Variants in EBF1 observed in about 807,000 individuals in gnomAD.
The protein encoded by EBF1 is EBF transcription factor 1.
A neutral mutation model predicts 68.4 loss-of-function variants in EBF1; 10 were observed. The observed-to-expected ratio is 0.15, with a 90% CI of 0.09 to 0.25. The LOEUF (loss-of-function observed/expected upper bound fraction) is 0.25, where lower values mean the gene tolerates loss of function less well. Among genes scored for constraint, EBF1 ranks in the 10% least tolerant of loss-of-function variants. The pLI is 1.00. For synonymous variants in EBF1, 298 were observed against 299.8 expected (o/e 0.99, Z 0.06); for missense variants, 509 against 794.4 (o/e 0.64, Z 4.32).
intron 6 of EBF1, among the ~76,000 whole-genome samples, chr5:158,907,385 AAAGAT>A (rs1381514223): frequency 6.6e-6 from 1 of 152,222 alleles, no homozygotes; most frequent in African/African-American, 2.4e-5. Context: ...GAGGTGGAAA[AAAGAT>A]AAGGCCAAAA....
chr5:158,870,890 G>T (rs1188975724), intron 6 of EBF1, among the ~76,000 whole-genome samples: 1 of 152,202 alleles, frequency 6.6e-6, no homozygotes, highest in Non-Finnish European at 1.5e-5. Flanking sequence ...CTGATAGAGA[G>T]AAGTCTTGAT....
At chr5:158,991,045 G>A (rs545595694) in intron 6 of EBF1, among the ~76,000 whole-genome samples, 56 of 152,314 alleles carry the variant, frequency 3.7e-4, no homozygotes, top group Non-Finnish European at 6.2e-4. Context: ...AACAGACATC[G>A]TAGGGAAGGG....
intron 4 of EBF1, among the ~76,000 whole-genome samples, chr5:159,087,479 C>T (rs1238030241): frequency 6.6e-6 from 1 of 150,512 alleles, no homozygotes; most frequent in Non-Finnish European, 1.5e-5. Context: ...TACACACACA[C>T]ATATATATAG....
chr5:158,937,328 A>G (rs1007607960), intron 6 of EBF1, among the ~76,000 whole-genome samples: 2 of 152,178 alleles, frequency 1.3e-5, no homozygotes, highest in Admixed American at 6.5e-5. Context: ...CCTCGGATTC[A>G]TTCTGGGCCC....
chr5:158,811,876 G>C (rs957119264), intron 8 of EBF1, among the ~76,000 whole-genome samples: 1 of 152,016 alleles, frequency 6.6e-6, no homozygotes, highest in Non-Finnish European at 1.5e-5. Context: ...TTATCCCCAC[G>C]TGGAATTTTG....
chr5:158,853,913 G>A (rs1162835213), intron 6 of EBF1, among the ~76,000 whole-genome samples: 1 of 152,158 alleles, frequency 6.6e-6, no homozygotes, highest in Non-Finnish European at 1.5e-5. Flanking sequence ...GAGTGAACTA[G>A]GCTGCATGTA....
intron 10 of EBF1, among the ~76,000 whole-genome samples, chr5:158,751,861 G>A (rs1250430358): frequency 6.6e-6 from 1 of 152,090 alleles, no homozygotes; most frequent in African/African-American, 2.4e-5. Context: ...TTGAGCATTT[G>A]TAAGTTGCTG....
chr5:159,079,658 C>A (rs1262697082), intron 5 of EBF1, among the ~76,000 whole-genome samples: 2 of 141,914 alleles, frequency 1.4e-5, no homozygotes, highest in African/African-American at 5.4e-5. Flanking sequence ...GTCACCCAGG[C>A]TGGAGTGCAG....
At chr5:159,087,658 T>C (rs1780957593) in intron 4 of EBF1, among the ~76,000 whole-genome samples, 1 of 152,048 alleles carries the variant, frequency 6.6e-6, no homozygotes, top group Non-Finnish European at 1.5e-5. Flanking sequence ...ACAAATACAT[T>C]CATGGTTTTC....
intron 6 of EBF1, among the ~76,000 whole-genome samples, chr5:159,016,935 C>T (rs1765720008): frequency 6.6e-6 from 1 of 152,186 alleles, no homozygotes; most frequent in South Asian, 2.1e-4. Context: ...AAACCCAGCT[C>T]AAATTCTCTA....
chr5:158,818,243 A>T (rs1784145249), intron 8 of EBF1, among the ~76,000 whole-genome samples: 1 of 152,192 alleles, frequency 6.6e-6, no homozygotes, highest in Admixed American at 6.5e-5. Context: ...TAGTCTCTCC[A>T]AGCTCAAACC....
intron 6 of EBF1, among the ~76,000 whole-genome samples, chr5:158,858,827 G>T (rs958229179): frequency 1.3e-5 from 2 of 152,138 alleles, no homozygotes; most frequent in Non-Finnish European, 2.9e-5. Context: ...CAGATCTTTT[G>T]GTGTGGAAGT....
intron 11 of EBF1, among the ~76,000 whole-genome samples, chr5:158,724,277 A>G (rs1263311453): frequency 6.6e-6 from 1 of 152,190 alleles, no homozygotes; most frequent in Non-Finnish European, 1.5e-5. Flanking sequence ...ATTTCAGGAT[A>G]TAATGTTAAT....
chr5:159,076,340 T>C (rs1778774422), intron 5 of EBF1, among the ~76,000 whole-genome samples: 1 of 152,142 alleles, frequency 6.6e-6, no homozygotes, highest in African/African-American at 2.4e-5. Flanking sequence ...CAAGGCATTG[T>C]TGATGGAAGG....
chr5:158,778,936 C>T (rs1266871992), intron 9 of EBF1, among the ~76,000 whole-genome samples: 2 of 152,026 alleles, frequency 1.3e-5, no homozygotes, highest in African/African-American at 4.8e-5. Context: ...TCTTTTATTC[C>T]GCTTCTTTGT....
chr5:158,863,926 G>C (rs934782761), intron 6 of EBF1, among the ~76,000 whole-genome samples: 2 of 152,056 alleles, frequency 1.3e-5, no homozygotes, highest in South Asian at 2.1e-4. Context: ...AGTTACTGAG[G>C]GGGTAAATAG....
Position 158,832,606 on chromosome 5 carries a change from C to A in EBF1, c.636+7423G>T, listed in dbSNP as rs1407741714. Among the ~76,000 whole-genome samples the A allele has an allele frequency of 5.3e-5, 8 of 152,264 alleles. No homozygotes were observed. The South Asian group carries it at 6.2e-4, about 12-fold the overall frequency. ...AATATAAGTACATCCAAGACAGGGG[C>A]TGGGAGTCGGTGGAGGAGAAATAAA... On this transcript the variant is annotated intron_variant, in intron 7 of 15. Coordinates refer to ENST00000313708, the MANE Select transcript of EBF1 (RefSeq NM_024007.5).
chr5:158,956,559 C>T (rs529659934), intron 6 of EBF1, among the ~76,000 whole-genome samples: 7 of 152,014 alleles, frequency 4.6e-5, no homozygotes, highest in South Asian at 2.1e-4. Context: ...CATGAAATCA[C>T]GACCTTAAGG....
chr5:159,018,366 T>A (rs564900206), intron 6 of EBF1, among the ~76,000 whole-genome samples: 1 of 152,252 alleles, frequency 6.6e-6, no homozygotes, highest in East Asian at 1.9e-4. Context: ...TCTTTGCAAA[T>A]CCCTGAAACT....
Sources: gnomAD v4.1 joint callset for allele counts (sites outside exome capture counted in the v4.1 genomes callset) on GRCh38, gnomAD v4.1.1 for gene constraint, MANE v1.5 for transcripts, NCBI Gene and HGNC (gene_info 2026-07-23, HGNC 2026-07-21) for gene names.